TTC17: variants seen among roughly 807,000 people sequenced by gnomAD.
TTC17 encodes the protein tetratricopeptide repeat protein 17.
Under a neutral mutation model 143.8 loss-of-function variants are expected in TTC17, and 58 were observed. The ratio of observed to expected loss-of-function variants is 0.40; its 90% CI spans 0.33 to 0.50. The LOEUF is 0.50. Among genes scored for constraint, TTC17 ranks in the 20% least tolerant of loss-of-function variants. TTC17 has a pLI of 0.49. For missense variants in TTC17, 1,273 were observed against 1,392.5 expected (o/e 0.91, Z 1.37); for synonymous variants, 501 against 497.8 (o/e 1.01, Z -0.09).
At chr11:43,391,196 C>G (rs1253966870) in intron 3 of TTC17, among the ~76,000 whole-genome samples, 1 of 152,060 alleles carries the variant, frequency 6.6e-6, no homozygotes, top group Non-Finnish European at 1.5e-5. Flanking sequence ...GCCAGGAGTT[C>G]AGAACTACCC....
At chr11:43,389,150 A>G (rs1857284341) in intron 2 of TTC17, among the ~76,000 whole-genome samples, 1 of 151,914 alleles carries the variant, frequency 6.6e-6, no homozygotes, top group Non-Finnish European at 1.5e-5. Context: ...AAAAAAAAAA[A>G]AGGGTGGAGG....
chr11:43,397,878 G>C (rs1310112297), intron 7 of TTC17, 96 bp from the exon 8 acceptor site: 1 of 1,506,512 alleles, frequency 6.6e-7, no homozygotes, highest in African/African-American at 1.4e-5. Context: ...ATGCAACCAG[G>C]CCGTGGCTAA....
Position 43,451,224 on chromosome 11 carries a change from C to T in TTC17, c.2989C>T (p.Leu997Phe). The change falls in exon 21 of 24, where the codon CTT (leucine) becomes TTT (phenylalanine). Residue 997 changes from leucine to phenylalanine, a missense_variant. Physicochemically the swap from Leu to Phe is conservative, Grantham distance 22 (BLOSUM62 0). Coordinates refer to ENST00000039989, the MANE Select transcript of TTC17 (RefSeq NM_018259.6). ...LGKDQYPQQS[L>F]EQIGTRIAKV... ...CAAAGACCAATATCCACAACAGTCGCTTGAACAGATTGGCACCCGAATTGC... is the reference window on the plus strand; with the variant it reads ...CAAAGACCAATATCCACAACAGTCGTTTGAACAGATTGGCACCCGAATTGC... 1 of 1,613,860 alleles carries T rather than the reference C, an allele frequency of 6.2e-7. No homozygotes were observed.
intron 16 of TTC17, 85 bp downstream of exon 16, chr11:43,414,861 C>CT (rs1192487669): frequency 7.0e-7 from 1 of 1,419,824 alleles, no homozygotes; most frequent in Admixed American, 2.4e-5. Context: ...ATGATTTTCT[C>CT]TATTTTACCC....
intron 8 of TTC17, 116 bp downstream of exon 8, chr11:43,398,229 C>G: frequency 7.8e-7 from 1 of 1,286,050 alleles, no homozygotes; most frequent in Non-Finnish European, 1.1e-6. Context: ...AACCTCTTCA[C>G]TACTGCAAGT....
At chr11:43,451,035 C>T (rs1947647284) in intron 20 of TTC17, 147 bp from the exon 21 acceptor site, 7 of 640,548 alleles carry the variant, frequency 1.1e-5, no homozygotes, top group Middle Eastern at 3.0e-4. Context: ...ATGTGTCTTC[C>T]ATAGATTACC....
At chr11:43,376,885 T>G (rs908461093) in intron 1 of TTC17, among the ~76,000 whole-genome samples, 1 of 152,264 alleles carries the variant, frequency 6.6e-6, no homozygotes, top group Non-Finnish European at 1.5e-5. Context: ...ACACCTAGAC[T>G]GTACAGCCTA....
rs532496116 is a variant in TTC17, at chr11:43,369,408, A to G, written c.160-9825A>G. 9.2e-5 allele frequency among the ~76,000 whole-genome samples: 14 copies of G among 152,330 alleles called. No individual in the cohort carries two copies. The South Asian group carries it at 2.9e-3, about 32-fold the overall frequency. On this transcript the variant is annotated intron_variant, in intron 1 of 23. Coordinates refer to ENST00000039989, the MANE Select transcript of TTC17 (RefSeq NM_018259.6). Reference sequence around the variant, plus strand: ...TTTATGTAAATTTACAGCTGTAAGGATACATTTGTACATTTCAGGAACTGT... The same window carrying G: ...TTTATGTAAATTTACAGCTGTAAGGGTACATTTGTACATTTCAGGAACTGT...
intron 21 of TTC17, among the ~76,000 whole-genome samples, chr11:43,476,254 G>A (rs966410967): frequency 1.7e-4 from 26 of 152,184 alleles, no homozygotes; most frequent in Admixed American, 6.5e-4. Context: ...AAGGAAGCTC[G>A]CAATGACAAC....
At chr11:43,466,640 G>T (rs1947979005) in intron 21 of TTC17, 1 of 334,666 alleles carries the variant, frequency 3.0e-6, no homozygotes, top group South Asian at 3.1e-5. Context: ...TTGATGATAA[G>T]AACTTTATTG....
intron 16 of TTC17, 146 bp downstream of exon 16, chr11:43,414,922 AT>A: frequency 1.2e-6 from 1 of 853,418 alleles, no homozygotes; most frequent in Non-Finnish European, 1.8e-6. Flanking sequence ...AAAGATGTTA[AT>A]TCCTTACTTA....
chr11:43,395,755 A>G (rs535299739), intron 5 of TTC17, among the ~76,000 whole-genome samples: 1 of 152,364 alleles, frequency 6.6e-6, no homozygotes, highest in South Asian at 2.1e-4. Context: ...ATTTTTAACT[A>G]CATTAAAATA....
intron 1 of TTC17, among the ~76,000 whole-genome samples, chr11:43,372,099 A>G (rs1482714648): frequency 6.6e-6 from 1 of 152,160 alleles, no homozygotes; most frequent in African/African-American, 2.4e-5. Context: ...GAAAAAATGT[A>G]TATATTCACC....
rs139032875 is a variant in TTC17, at chr11:43,405,596, C to T, written c.1562C>T (p.Thr521Met). 4.9e-5 allele frequency: 79 copies of T among 1,613,862 alleles called. No individual in the cohort carries two copies. Among genetic ancestry groups the T allele is most frequent in the East Asian group, 2.5e-4 (11 of 44,872 alleles). Reference sequence around the variant, plus strand: ...GTCCCTGTTGGTGGGGAATTGCCAACGTATTTTCTGCCTCCGGAAAACAAA... The same window carrying T: ...GTCCCTGTTGGTGGGGAATTGCCAATGTATTTTCTGCCTCCGGAAAACAAA... ...PRVPVGGELPTYFLPPENKGL... is the reference protein window; with the variant it reads ...PRVPVGGELPMYFLPPENKGL... The change falls in exon 12 of 24, where the codon ACG (threonine) becomes ATG (methionine). Residue 521 changes from threonine (T) to methionine (M), a missense_variant. Thr to Met is a moderately conservative substitution (Grantham distance 81, BLOSUM62 -1). Transcript: ENST00000039989.
intron 21 of TTC17, among the ~76,000 whole-genome samples, chr11:43,480,429 A>G (rs1281365798): frequency 6.6e-6 from 1 of 152,204 alleles, no homozygotes; most frequent in Non-Finnish European, 1.5e-5. Flanking sequence ...GTGACCTACA[A>G]TGAAGAAAGA....
intron 2 of TTC17, among the ~76,000 whole-genome samples, chr11:43,385,002 G>T (rs767936527): frequency 6.6e-6 from 1 of 152,084 alleles, no homozygotes; most frequent in South Asian, 2.1e-4. Flanking sequence ...ATATAATATC[G>T]TATACTTGTA....
At chr11:43,486,717 A>G (rs558794458) in intron 21 of TTC17, among the ~76,000 whole-genome samples, 3 of 152,314 alleles carry the variant, frequency 2.0e-5, no homozygotes, top group South Asian at 4.1e-4. Context: ...ACATAGTTAT[A>G]TACCTAATAT....
chr11:43,412,373 A>C (rs1858455741), intron 15 of TTC17, among the ~76,000 whole-genome samples: 1 of 152,160 alleles, frequency 6.6e-6, no homozygotes, highest in Non-Finnish European at 1.5e-5. Context: ...CTGTACTCCT[A>C]GCTACTTGGG....
At chr11:43,367,328 AC>A (rs1856383817) in intron 1 of TTC17, among the ~76,000 whole-genome samples, 2 of 152,216 alleles carry the variant, frequency 1.3e-5, no homozygotes, top group Non-Finnish European at 2.9e-5. Context: ...CTGTCTTTGT[AC>A]CAGTTTAGAT....
Sources: allele counts gnomAD v4.1 joint callset (sites outside exome capture counted in the v4.1 genomes callset), GRCh38; gene constraint gnomAD v4.1.1; transcripts MANE v1.5; gene names NCBI Gene and HGNC (gene_info 2026-07-23, HGNC 2026-07-21).